The following FBXO21 variants were observed in gnomAD, a reference collection of about 807,000 sequenced individuals.
FBXO21 encodes F-box protein 21, also known as F-box only protein 21.
Under a neutral mutation model 76.6 loss-of-function variants are expected in FBXO21, and 32 were observed. That is an observed-to-expected ratio of 0.42 (90% CI 0.32 to 0.56). The LOEUF (loss-of-function observed/expected upper bound fraction) is 0.56. Among genes scored for constraint, FBXO21 ranks in the 20% least tolerant of loss-of-function variants. The probability of loss-of-function intolerance (pLI) is 0.16; values close to 1 mark genes in which losing one functional copy is unlikely to be tolerated. For synonymous variants in FBXO21, 328 were observed against 311.5 expected, an observed-to-expected ratio of 1.05 and a Z score of -0.56; for missense variants, 586 against 797.3, an observed-to-expected ratio of 0.73 and a Z score of 3.19.
At chr12:117,172,842 TTTG>T (rs975976691) in intron 6 of FBXO21, among the ~76,000 whole-genome samples, 1 of 152,156 alleles carries the variant, frequency 6.6e-6, no homozygotes, top group Non-Finnish European at 1.5e-5. Context: ...TTTTTTAATG[TTTG>T]AAAAAATAGT....
chr12:117,158,046 C>T lies in FBXO21; in HGVS notation c.1344G>A (p.Gln448=), dbSNP rs1461577975. 2.5e-6 allele frequency: 4 copies of T among 1,614,208 alleles called. No individual in the cohort carries two copies. Among genetic ancestry groups the T allele is most frequent in the African/African-American group, 1.3e-5 (1 of 75,054 alleles). The change falls in exon 10 of 12, where the codon CAG becomes CAA. Residue 448 remains glutamine, a synonymous_variant. Coordinates refer to ENST00000622495, the MANE Select transcript of FBXO21 (RefSeq NM_015002.3). ...GCCCCGGGTCTAGGGTTTGGATGTG[C>T]TGGAGGATGTCAAGCACCTTCAAAA... ...IWPEKVLDIL[Q]HIQTLDPGQH...
chr12:117,178,439 C>T (rs1290268144), intron 3 of FBXO21, among the ~76,000 whole-genome samples: 1 of 152,154 alleles, frequency 6.6e-6, no homozygotes, highest in African/African-American at 2.4e-5. Context: ...GCAGCCAGAG[C>T]ACTGCAGTAA....
At chr12:117,155,669 T>A in intron 11 of FBXO21, 122 bp downstream of exon 11, 1 of 1,116,762 alleles carries the variant, frequency 9.0e-7, no homozygotes, top group Middle Eastern at 2.2e-4. Flanking sequence ...AGGCCGGCCA[T>A]GGGGCGTCGG....
In FBXO21 at chr12:117,143,611, G is replaced by A. The variant is rs964703585; in HGVS notation, c.*2476C>T. On this transcript the variant is annotated 3_prime_UTR_variant, in exon 12 of 12. Coordinates refer to ENST00000622495, the MANE Select transcript of FBXO21 (RefSeq NM_015002.3). ...TTACTAGTGAGCTGATAAAATTAAC[G>A]TTTGGCAAGGAGGTCATGGTTTACA... 2 of 152,380 alleles carry A rather than the reference G, an allele frequency of 1.3e-5. No homozygotes were observed. The highest frequency in any genetic ancestry group is 2.9e-5 in the Non-Finnish European group (2 of 68,038). 9.4% of individuals were successfully genotyped at this position (152,380 alleles called of 1,614,324 possible).
At chr12:117,175,213 C>CA (rs112246814) in intron 4 of FBXO21, among the ~76,000 whole-genome samples, 7,109 of 150,450 alleles carry the variant, frequency 0.047, 175 homozygotes, top group Non-Finnish European at 0.055. Flanking sequence ...AACAAAACAA[C>CA]AAAAAAAAAC....
chr12:117,165,755 C>A, intron 8 of FBXO21, 138 bp from the exon 9 acceptor site: 6 of 789,702 alleles, frequency 7.6e-6, no homozygotes, highest in Admixed American at 3.0e-5. Context: ...CTCAGCTCAA[C>A]GAAGAGATAC....
chr12:117,153,113 C>T lies in FBXO21; in HGVS notation c.1675+2678G>A, dbSNP rs917679099. Among the ~76,000 whole-genome samples, 8 of 151,978 alleles carry T rather than the reference C, an allele frequency of 5.3e-5. No homozygotes were observed. In the East Asian group the frequency reaches 5.8e-4, roughly 11 times the overall value. ...CAGCAAGTGGCCCGGTCCAGGGACA[C>T]GCTAGGAAGATCCTCTTGCTGTTGC... is the stretch of plus-strand genomic sequence containing the variant. On this transcript the variant is annotated intron_variant, in intron 11 of 11. Transcript: ENST00000622495.
Position 117,148,861 on chromosome 12 carries a change from A to C in FBXO21, c.1676-2584T>G, listed in dbSNP as rs540680544. Among the ~76,000 whole-genome samples, 58 of 152,300 alleles carry C rather than the reference A, an allele frequency of 3.8e-4. 1 individual carries two copies. In the South Asian group the frequency reaches 0.011, roughly 28 times the overall value. ...GGAGCCTGTGGTTTCAGGACCTCCC[A>C]CTTTTCCCCGAAGGAAACTGAGTCA... On this transcript the variant is annotated intron_variant, in intron 11 of 11. Transcript: ENST00000622495.
chr12:117,189,985 G>T lies in FBXO21; in HGVS notation c.239+233C>A, dbSNP rs570979287. Among the ~76,000 whole-genome samples the T allele has an allele frequency of 2.0e-5, 3 of 152,198 alleles. No homozygotes were observed. The South Asian group carries it at 6.2e-4, about 32-fold the overall frequency. Reference sequence around the variant, plus strand: ...CGCCGCCGCCAGCGTCACCCTTGACGGAGGACCCGGCTGCGAGGCGCTCCT... The same window carrying T: ...CGCCGCCGCCAGCGTCACCCTTGACTGAGGACCCGGCTGCGAGGCGCTCCT... On this transcript the variant is annotated intron_variant, in intron 1 of 11. Coordinates refer to ENST00000622495, the MANE Select transcript of FBXO21 (RefSeq NM_015002.3).
At position 117,142,832 on chromosome 12, in the gene FBXO21, C is replaced by A. The variant is rs1415686516; in HGVS notation, c.*3255G>T. ...GGAAAGCAAAGAGATGCGACATCAG[C>A]AGCAGAAAGCCTGCGACACGGCAGC... On this transcript the variant is annotated 3_prime_UTR_variant, in exon 12 of 12. Coordinates refer to ENST00000622495, the MANE Select transcript of FBXO21 (RefSeq NM_015002.3). The A allele has an allele frequency of 6.6e-6, 1 of 152,128 alleles. No homozygotes were observed. Among genetic ancestry groups the A allele is most frequent in the African/African-American group, 2.4e-5 (1 of 41,414 alleles). The allele number at this position is 152,128 out of a possible 1,614,324, so 9.4% of individuals were successfully genotyped here.
rs113669572 is a variant in FBXO21 at position 117,155,774 on chromosome 12, C to G, written c.1675+17G>C. ...ACGCCCGCGGGGCCACTGGCACAAGCGGAACCCGCCGCTTACCTTGGGCTG... is the reference window on the plus strand; with the variant it reads ...ACGCCCGCGGGGCCACTGGCACAAGGGGAACCCGCCGCTTACCTTGGGCTG... On this transcript the variant is annotated intron_variant, in intron 11 of 11. Coordinates refer to ENST00000622495, the MANE Select transcript of FBXO21 (RefSeq NM_015002.3). 1.7e-5 allele frequency: 27 copies of G among 1,606,078 alleles called. No homozygotes were observed. Among genetic ancestry groups the G allele is most frequent in the Middle Eastern group, 3.3e-4 (2 of 6,018 alleles).
At chr12:117,183,912 A>C (rs1370650039) in intron 3 of FBXO21, among the ~76,000 whole-genome samples, 1 of 152,206 alleles carries the variant, frequency 6.6e-6, no homozygotes, top group Non-Finnish European at 1.5e-5. Flanking sequence ...TATGTCCAGT[A>C]CCATTTCTTT....
intron 5 of FBXO21, 25 bp from the exon 6 acceptor site, chr12:117,174,366 G>A (rs771304959): frequency 2.5e-6 from 4 of 1,612,976 alleles, no homozygotes; most frequent in Non-Finnish European, 3.4e-6. Flanking sequence ...TCTACTCTGG[G>A]ACCCAAGCAC....
In FBXO21 at chr12:117,145,591, C is replaced by T. The variant is rs1955760645; in HGVS notation, c.*496G>A. 6.6e-6 allele frequency: 1 copy of T among 152,328 alleles called. No homozygotes were observed. The highest frequency in any genetic ancestry group is 2.4e-5 in the African/African-American group (1 of 41,450). 9.4% of individuals were successfully genotyped at this position (152,328 alleles called of 1,614,324 possible). On this transcript the variant is annotated 3_prime_UTR_variant, in exon 12 of 12. Transcript: ENST00000622495. The stretch of plus-strand genomic sequence containing the variant: ...GCTGCCAAGATAGCACACAACTTTA[C>T]CTCTGAATATGCAACTAACTTCAGG...
chr12:117,155,104 G>A (rs1324553051), intron 11 of FBXO21: 1 of 152,232 alleles, frequency 6.6e-6, no homozygotes, highest in Admixed American at 6.5e-5. Context: ...ATTAATCAAT[G>A]TGAATGCTTT....
chr12:117,189,541 C>T (rs1404067370), intron 1 of FBXO21, among the ~76,000 whole-genome samples, 179 bp from the exon 2 acceptor site: 1 of 152,026 alleles, frequency 6.6e-6, no homozygotes, highest in Admixed American at 6.6e-5. Flanking sequence ...GTGACCTTGG[C>T]GTAGCGGCAT....
chr12:117,166,868 AG>A, intron 8 of FBXO21, 29 bp downstream of exon 8: 3 of 1,602,318 alleles, frequency 1.9e-6, no homozygotes. Context: ...TGTGCTCTGC[AG>A]AAGTACTAGA....
intron 3 of FBXO21, among the ~76,000 whole-genome samples, chr12:117,178,627 G>C (rs917152060): frequency 2.0e-5 from 3 of 151,632 alleles, no homozygotes; most frequent in African/African-American, 7.3e-5. Context: ...AAGCATTCCA[G>C]CTGTTCCTTT....
At position 117,178,903 on chromosome 12, in the gene FBXO21, G is replaced by A. The variant is rs546234882; in HGVS notation, c.471-1262C>T. Reference sequence around the variant, plus strand: ...CTACAGTATAAGCCCCATGAAGGCAGGGATTTTTTTTGTGTTGTTCACTGC... The same window carrying A: ...CTACAGTATAAGCCCCATGAAGGCAAGGATTTTTTTTGTGTTGTTCACTGC... On this transcript the variant is annotated intron_variant, in intron 3 of 11. Coordinates refer to ENST00000622495, the MANE Select transcript of FBXO21 (RefSeq NM_015002.3). 7.2e-5 allele frequency among the ~76,000 whole-genome samples: 11 copies of A among 152,146 alleles called. No individual in the cohort carries two copies. The South Asian group carries it at 2.3e-3, about 32-fold the overall frequency.
Sources: allele counts gnomAD v4.1 joint callset (sites outside exome capture counted in the v4.1 genomes callset), GRCh38; gene constraint gnomAD v4.1.1; transcripts MANE v1.5; gene names NCBI Gene and HGNC (gene_info 2026-07-23, HGNC 2026-07-21).